The following CNTNAP2 variants were observed in gnomAD, a reference collection of about 807,000 sequenced individuals.
The protein encoded by CNTNAP2 is contactin associated protein 2.
Under a neutral mutation model 155.2 loss-of-function variants are expected in CNTNAP2, and 98 were observed. The observed-to-expected ratio is 0.63, with a 90% CI of 0.54 to 0.75. CNTNAP2 has a LOEUF of 0.75. Ranked by LOEUF, CNTNAP2 falls within the 30% of genes least tolerant of loss-of-function variation. CNTNAP2 has a pLI of 0.00. For synonymous variants in CNTNAP2, 651 were observed against 631.2 expected, an observed-to-expected ratio of 1.03 and a Z score of -0.47; for missense variants, 1,727 against 1,688.1, an observed-to-expected ratio of 1.02 and a Z score of -0.40.
intron 2 of CNTNAP2, among the ~76,000 whole-genome samples, chr7:146,796,051 A>G (rs769442481): frequency 6.6e-6 from 1 of 152,234 alleles, no homozygotes; most frequent in Non-Finnish European, 1.5e-5. Context: ...GAATACATAC[A>G]ATGTCATTTC....
rs373675898 is a variant in CNTNAP2, at chr7:146,247,464, T to G, written c.97+130491T>G. 4.6e-5 allele frequency among the ~76,000 whole-genome samples: 7 copies of G among 151,678 alleles called. No individual in the cohort carries two copies. In the South Asian group the frequency reaches 1.5e-3, roughly 32 times the overall value. On this transcript the variant is annotated intron_variant, in intron 1 of 23. Transcript: ENST00000361727. ...GAGGGGAGAGGTAGAAAAGGAAGATTAGAAAGACTCAGCGAAGCTTGGGGT... is the reference window on the plus strand; with the variant it reads ...GAGGGGAGAGGTAGAAAAGGAAGATGAGAAAGACTCAGCGAAGCTTGGGGT...
At chr7:147,882,667 T>G (rs1390178885) in intron 13 of CNTNAP2, among the ~76,000 whole-genome samples, 1 of 152,182 alleles carries the variant, frequency 6.6e-6, no homozygotes, top group African/African-American at 2.4e-5. Flanking sequence ...GAATCCCTGC[T>G]TTACTCCCTT....
At chr7:147,587,065 C>T (rs908941481) in intron 12 of CNTNAP2, among the ~76,000 whole-genome samples, 1 of 152,150 alleles carries the variant, frequency 6.6e-6, no homozygotes, top group South Asian at 2.1e-4. Context: ...CCCAAAAAAG[C>T]AGTGAGGAAA....
At chr7:147,607,410 T>TTCTC (rs371712227) in intron 12 of CNTNAP2, among the ~76,000 whole-genome samples, 1 of 149,082 alleles carries the variant, frequency 6.7e-6, no homozygotes, top group Non-Finnish European at 1.5e-5. Context: ...CTCTCTTCCT[T>TTCTC]TCTCTCTCTC....
chr7:147,059,671 C>A (rs1421192776), intron 4 of CNTNAP2, among the ~76,000 whole-genome samples: 1 of 152,088 alleles, frequency 6.6e-6, no homozygotes, highest in Non-Finnish European at 1.5e-5. Flanking sequence ...GAGCAATAAG[C>A]AGCATTTATT....
At chr7:146,902,871 G>A (rs147852736) in intron 3 of CNTNAP2, among the ~76,000 whole-genome samples, 212 of 152,230 alleles carry the variant, frequency 1.4e-3, no homozygotes, top group African/African-American at 4.5e-3. Context: ...TGGTTTTTCC[G>A]ACGTGTGGTA....
chr7:147,426,782 A>G (rs1797384168), intron 10 of CNTNAP2, among the ~76,000 whole-genome samples: 1 of 152,114 alleles, frequency 6.6e-6, no homozygotes, highest in Admixed American at 6.6e-5. Flanking sequence ...TCACCTGGGG[A>G]AAAGTTTGTG....
chr7:146,974,173 A>G (rs776969412), intron 3 of CNTNAP2, among the ~76,000 whole-genome samples: 1 of 152,136 alleles, frequency 6.6e-6, no homozygotes, highest in African/African-American at 2.4e-5. Context: ...ATCACACACT[A>G]TCACTAAAAA....
chr7:147,011,011 C>T (rs1352651394), intron 3 of CNTNAP2, among the ~76,000 whole-genome samples: 2 of 152,034 alleles, frequency 1.3e-5, no homozygotes, highest in South Asian at 2.1e-4. Flanking sequence ...TCTGAGGAAG[C>T]TTCACCACCG....
intron 3 of CNTNAP2, among the ~76,000 whole-genome samples, chr7:146,925,090 C>A (rs963087740): frequency 3.3e-5 from 5 of 152,056 alleles, no homozygotes; most frequent in African/African-American, 1.2e-4. Flanking sequence ...ATAGTGCTGA[C>A]CCTTTTAAAA....
rs201482522 is a variant in CNTNAP2, at chr7:148,321,897, CT to C, written c.3475+54786del. On this transcript the variant is annotated intron_variant, in intron 21 of 23. Transcript: ENST00000361727. ...GAGGTTCTTAGAACTATAAATTCTT[CT>C]TTTTTTTTTTTTTTCTGAGACGGAT... Among the ~76,000 whole-genome samples the C allele has an allele frequency of 7.3e-3, 1,037 of 141,378 alleles. 10 individuals carry two copies. Among genetic ancestry groups the C allele is most frequent in the African/African-American group, 0.021 (812 of 38,780 alleles). The allele number at this position is 141,378 out of a possible 152,430, so 92.7% of individuals were successfully genotyped here. A position where few individuals can be genotyped will look rare whatever the true frequency, so the allele number is the denominator to read the frequency against.
chr7:146,512,760 A>T (rs1797486412), intron 1 of CNTNAP2, among the ~76,000 whole-genome samples: 1 of 151,942 alleles, frequency 6.6e-6, no homozygotes, highest in Admixed American at 6.6e-5. Flanking sequence ...AATGTGTATT[A>T]TGCAGCCGTT....
chr7:146,252,686 G>A (rs1487015044), intron 1 of CNTNAP2, among the ~76,000 whole-genome samples: 2 of 152,068 alleles, frequency 1.3e-5, no homozygotes, highest in Non-Finnish European at 2.9e-5. Context: ...TTCAAATGCA[G>A]AATTAGGCCA....
At chr7:147,045,338 A>C (rs182775483) in intron 4 of CNTNAP2, among the ~76,000 whole-genome samples, 1 of 152,328 alleles carries the variant, frequency 6.6e-6, no homozygotes, top group East Asian at 1.9e-4. Flanking sequence ...ATATAAAAGA[A>C]TATATGAAGC....
intron 13 of CNTNAP2, among the ~76,000 whole-genome samples, chr7:147,790,879 C>T (rs1181923551): frequency 2.0e-5 from 3 of 152,232 alleles, no homozygotes. Flanking sequence ...AGACGTTCCA[C>T]ATCTCCTAGG....
chr7:147,053,498 A>G (rs1157437884), intron 4 of CNTNAP2, among the ~76,000 whole-genome samples: 3 of 152,146 alleles, frequency 2.0e-5, no homozygotes, highest in Non-Finnish European at 4.4e-5. Context: ...TCACTGATAT[A>G]GAGCTAGAGT....
intron 13 of CNTNAP2, among the ~76,000 whole-genome samples, chr7:147,775,376 TTTATATATATTTATAAATATATATATTTA>T (rs1797565920): frequency 4.3e-5 from 4 of 91,984 alleles, no homozygotes; most frequent in African/African-American, 2.0e-4. Context: ...TATATATATA[TTTATATATATTTATAAATATATATATTTA>T]TATATATATT....
chr7:147,256,069 G>C (rs1000184952), intron 8 of CNTNAP2, among the ~76,000 whole-genome samples: 2 of 152,180 alleles, frequency 1.3e-5, no homozygotes, highest in Admixed American at 6.5e-5. Context: ...ATGATGGGTG[G>C]CATGGGACTT....
At chr7:146,554,901 G>T (rs1021684464) in intron 1 of CNTNAP2, among the ~76,000 whole-genome samples, 1 of 152,202 alleles carries the variant, frequency 6.6e-6, no homozygotes, top group African/African-American at 2.4e-5. Flanking sequence ...TCCATAAGTT[G>T]CATTTCACCT....
Sources: allele counts gnomAD v4.1 joint callset (sites outside exome capture counted in the v4.1 genomes callset), GRCh38; gene constraint gnomAD v4.1.1; transcripts MANE v1.5; gene names NCBI Gene and HGNC (gene_info 2026-07-23, HGNC 2026-07-21).